The following FAM168A variants were observed in gnomAD, a reference collection of about 807,000 sequenced individuals.
FAM168A encodes protein FAM168A.
FAM168A carries 3 observed loss-of-function variants against 28.5 expected under a neutral mutation model. The observed-to-expected ratio is 0.11, with a 90% CI of 0.05 to 0.27. The LOEUF is 0.27. Among genes scored for constraint, FAM168A ranks in the 10% least tolerant of loss-of-function variants. The probability of loss-of-function intolerance (pLI) is 1.00; values close to 1 mark genes in which losing one functional copy is unlikely to be tolerated. For missense variants in FAM168A, 222 were observed against 311.5 expected, an observed-to-expected ratio of 0.71 and a Z score of 2.16; for synonymous variants, 122 against 124.2, an observed-to-expected ratio of 0.98 and a Z score of 0.12.
At chr11:73,483,388 C>G (rs1745733768) in intron 1 of FAM168A, among the ~76,000 whole-genome samples, 1 of 152,186 alleles carries the variant, frequency 6.6e-6, no homozygotes, top group South Asian at 2.1e-4. Flanking sequence ...TTGAGGCTAT[C>G]TGCCACAGGA....
At chr11:73,529,433 A>T (rs1176037318) in intron 1 of FAM168A, among the ~76,000 whole-genome samples, 2 of 152,320 alleles carry the variant, frequency 1.3e-5, no homozygotes, top group East Asian at 3.9e-4. Context: ...TGTAAATGAC[A>T]GATAATGTTT....
intron 1 of FAM168A, among the ~76,000 whole-genome samples, chr11:73,583,214 A>G (rs1234825865): frequency 2.6e-5 from 4 of 152,104 alleles, no homozygotes; most frequent in Non-Finnish European, 5.9e-5. Context: ...GAGGCAGGAG[A>G]ATTACTTGAA....
intron 1 of FAM168A, among the ~76,000 whole-genome samples, chr11:73,559,845 C>A (rs1463240929): frequency 6.6e-6 from 1 of 152,160 alleles, no homozygotes; most frequent in Non-Finnish European, 1.5e-5. Flanking sequence ...TTCACACAAA[C>A]TTCCCAAAAA....
At chr11:73,564,499 G>T (rs1319403363) in intron 1 of FAM168A, among the ~76,000 whole-genome samples, 1 of 151,824 alleles carries the variant, frequency 6.6e-6, no homozygotes, top group Admixed American at 6.6e-5. Context: ...AGCACTTTGG[G>T]AGGCCAAGGT....
intron 1 of FAM168A, among the ~76,000 whole-genome samples, chr11:73,592,665 A>AACGGGGAGGGAGATGGGGAG (rs1279086788): frequency 6.6e-6 from 1 of 152,018 alleles, no homozygotes; most frequent in Non-Finnish European, 1.5e-5. Context: ...GAAGGAGAAG[A>AACGGGGAGGGAGATGGGGAG]ACGGGGAGGG....
At chr11:73,408,188 T>C (rs1380588763) in intron 6 of FAM168A, among the ~76,000 whole-genome samples, 1 of 152,226 alleles carries the variant, frequency 6.6e-6, no homozygotes, top group Non-Finnish European at 1.5e-5. Flanking sequence ...TACTTTTCTT[T>C]GTATGCTTCT....
chr11:73,493,281 C>T (rs1854796361), intron 1 of FAM168A, among the ~76,000 whole-genome samples: 1 of 152,130 alleles, frequency 6.6e-6, no homozygotes, highest in Admixed American at 6.5e-5. Flanking sequence ...GGCAAGATAA[C>T]AAGTGCTAAA....
At chr11:73,410,679 G>A (rs1015145722) in intron 5 of FAM168A, 1 of 151,954 alleles carries the variant, frequency 6.6e-6, no homozygotes, top group Non-Finnish European at 1.5e-5. Flanking sequence ...TAAAACAAGA[G>A]GCTTGAGATC....
intron 2 of FAM168A, among the ~76,000 whole-genome samples, chr11:73,439,957 C>G: frequency 7.1e-6 from 1 of 140,254 alleles, no homozygotes; most frequent in Non-Finnish European, 1.5e-5. Flanking sequence ...GTGATCTCTG[C>G]TCACTGCAAC....
intron 2 of FAM168A, among the ~76,000 whole-genome samples, chr11:73,459,341 C>T (rs1280341695): frequency 6.6e-6 from 1 of 151,874 alleles, no homozygotes; most frequent in Non-Finnish European, 1.5e-5. Context: ...AAAAAATTAG[C>T]CGGGCGTGGT....
chr11:73,507,937 A>G (rs1855148008), intron 1 of FAM168A, among the ~76,000 whole-genome samples: 1 of 152,056 alleles, frequency 6.6e-6, no homozygotes, highest in Non-Finnish European at 1.5e-5. Context: ...CCCTGGGTAT[A>G]CCGAGGGACA....
rs527914619 is a variant in FAM168A at position 73,572,351 on chromosome 11, A to G, written c.-19+25572T>C. ...TGGGAAGTGAGGAGCCCCTCTGCCCAGCTACCACCCCGTCTGGGAGGTGTA... is the reference window on the plus strand; with the variant it reads ...TGGGAAGTGAGGAGCCCCTCTGCCCGGCTACCACCCCGTCTGGGAGGTGTA... On this transcript the variant is annotated intron_variant, in intron 1 of 7. Coordinates refer to ENST00000356467, the MANE Select transcript of FAM168A (RefSeq NM_015159.3). 2.1e-3 allele frequency among the ~76,000 whole-genome samples: 303 copies of G among 144,414 alleles called. 4 individuals carry two copies. The highest frequency in any genetic ancestry group is 6.9e-3 in the African/African-American group (275 of 39,810). 94.7% of individuals were successfully genotyped at this position (144,414 alleles called of 152,430 possible). A position where few individuals can be genotyped will look rare whatever the true frequency, so the allele number is the denominator to read the frequency against.
At position 73,404,915 on chromosome 11, in the gene FAM168A, C is replaced by T. The variant is rs901590241; in HGVS notation, c.*1848G>A. ...ATCCCATTTTTTACAATAAAATGTT[C>T]GTGCCCCACCCCCAGAGGGGCTGCT... On this transcript the variant is annotated 3_prime_UTR_variant, in exon 8 of 8. Transcript: ENST00000356467. 9.2e-5 allele frequency: 14 copies of T among 152,252 alleles called. No homozygotes were observed. Among genetic ancestry groups the T allele is most frequent in the African/African-American group, 2.9e-4 (12 of 41,474 alleles). The allele number at this position is 152,252 out of a possible 1,614,324, so 9.4% of individuals were successfully genotyped here. A position where few individuals can be genotyped will look rare whatever the true frequency, so the allele number is the denominator to read the frequency against.
intron 1 of FAM168A, among the ~76,000 whole-genome samples, chr11:73,522,062 GCACTCAAGTT>G (rs1943388012): frequency 6.6e-6 from 1 of 152,126 alleles, no homozygotes; most frequent in Non-Finnish European, 1.5e-5. Flanking sequence ...AGCATAGCTT[GCACTCAAGTT>G]CTCTGACTTC....
chr11:73,589,127 G>A (rs949201870), intron 1 of FAM168A, among the ~76,000 whole-genome samples: 6 of 152,206 alleles, frequency 3.9e-5, no homozygotes, highest in Non-Finnish European at 8.8e-5. Flanking sequence ...TGGTATGGCA[G>A]CCAGAGCAGA....
rs185908150 is a variant in FAM168A, at chr11:73,401,823, G to A, written c.*4940C>T. The stretch of plus-strand genomic sequence containing the variant: ...AGAAGATATCCACTGGAGAGACTGA[G>A]GGACTGGGACCCAAGTCTGGCTTAG... On this transcript the variant is annotated 3_prime_UTR_variant, in exon 8 of 8. Coordinates refer to ENST00000356467, the MANE Select transcript of FAM168A (RefSeq NM_015159.3). The A allele has an allele frequency of 3.3e-5, 5 of 152,360 alleles. No homozygotes were observed. The highest frequency in any genetic ancestry group is 1.2e-4 in the African/African-American group (5 of 41,572). 9.4% of individuals were successfully genotyped at this position (152,360 alleles called of 1,614,324 possible).
chr11:73,498,319 C>T (rs909762132), intron 1 of FAM168A, among the ~76,000 whole-genome samples: 9 of 152,018 alleles, frequency 5.9e-5, no homozygotes, highest in African/African-American at 9.7e-5. Context: ...GGGAAGGGGA[C>T]CCCCCCTTCC....
intron 4 of FAM168A, among the ~76,000 whole-genome samples, chr11:73,412,497 G>GA (rs914471538): frequency 2.2e-4 from 34 of 152,234 alleles, no homozygotes; most frequent in African/African-American, 7.2e-4. Context: ...TTTGTTCACA[G>GA]AAAAAAACTT....
intron 1 of FAM168A, among the ~76,000 whole-genome samples, chr11:73,508,918 A>G (rs1469694811): frequency 6.6e-6 from 1 of 152,214 alleles, no homozygotes; most frequent in Non-Finnish European, 1.5e-5. Flanking sequence ...GTTTTATTGC[A>G]TTAAAACATA....
Sources: allele counts gnomAD v4.1 joint callset (sites outside exome capture counted in the v4.1 genomes callset), GRCh38; gene constraint gnomAD v4.1.1; transcripts MANE v1.5; gene names NCBI Gene and HGNC (gene_info 2026-07-23, HGNC 2026-07-21).